The following TRPM3 variants were observed in gnomAD, a reference collection of about 807,000 sequenced individuals.
TRPM3 encodes the protein long transient receptor potential channel 3.
TRPM3 carries 77 observed loss-of-function variants against 181.2 expected under a neutral mutation model. The observed-to-expected ratio is 0.42, with a 90% CI of 0.35 to 0.51. The LOEUF (loss-of-function observed/expected upper bound fraction) is 0.51, where lower values mean the gene tolerates loss of function less well. TRPM3 is among the 20% of genes least tolerant of loss of function. TRPM3 has a pLI of 0.01. For synonymous variants in TRPM3, 745 were observed against 796.4 expected (o/e 0.94, Z 1.09); for missense variants, 1,759 against 2,196.7 (o/e 0.80, Z 3.98).
chr9:70,857,610 G>T (rs11142626), intron 3 of TRPM3, among the ~76,000 whole-genome samples: 30,302 of 152,120 alleles, frequency 0.2, 3,715 homozygotes, highest in Non-Finnish European at 0.26. Context: ...AATATAGCCT[G>T]TGCTAGGTGT....
intron 1 of TRPM3, among the ~76,000 whole-genome samples, chr9:70,927,558 C>A (rs1382805231): frequency 6.6e-6 from 1 of 152,178 alleles, no homozygotes; most frequent in African/African-American, 2.4e-5. Context: ...AATGTTCTAT[C>A]AACTCTCTTG....
At chr9:71,206,486 C>T (rs1273321649) in intron 1 of TRPM3, among the ~76,000 whole-genome samples, 1 of 151,980 alleles carries the variant, frequency 6.6e-6, no homozygotes, top group Non-Finnish European at 1.5e-5. Context: ...TGGATATTAG[C>T]CCTTTGTCAG....
chr9:71,214,575 T>C (rs1448414891), intron 1 of TRPM3, among the ~76,000 whole-genome samples: 1 of 152,182 alleles, frequency 6.6e-6, no homozygotes, highest in Non-Finnish European at 1.5e-5. Context: ...GCTCCATTCA[T>C]CATTTTCAAA....
Position 70,535,518 on chromosome 9 carries a change from T to C in TRPM3, c.*435A>G. On this transcript the variant is annotated 3_prime_UTR_variant, in exon 26 of 26. Coordinates refer to ENST00000677713, the MANE Select transcript of TRPM3 (RefSeq NM_001366145.2). Reference sequence around the variant, plus strand: ...CAGAATGGAAGTTTAGAATATCTCATTGTGTACGCTGGCTATTTTATTTTA... The same window carrying C: ...CAGAATGGAAGTTTAGAATATCTCACTGTGTACGCTGGCTATTTTATTTTA... The C allele has an allele frequency of 6.5e-7, 1 of 1,548,938 alleles. No individual in the cohort carries two copies. Among genetic ancestry groups the C allele is most frequent in the Non-Finnish European group, 8.7e-7 (1 of 1,146,698 alleles).
intron 1 of TRPM3, among the ~76,000 whole-genome samples, chr9:70,923,828 C>CTATATATATA (rs1256813268): frequency 7.3e-6 from 1 of 136,060 alleles, no homozygotes; most frequent in African/African-American, 2.8e-5. Context: ...CTCTCTCTCT[C>CTATATATATA]TATATATATA....
chr9:71,416,417 T>C (rs752529092), intron 1 of TRPM3, among the ~76,000 whole-genome samples: 77 of 152,064 alleles, frequency 5.1e-4, no homozygotes, highest in Non-Finnish European at 1.0e-3. Context: ...CCCAAACTAA[T>C]AGCACAAACT....
At chr9:70,617,729 C>T (rs2063005730) in intron 17 of TRPM3, among the ~76,000 whole-genome samples, 1 of 152,120 alleles carries the variant, frequency 6.6e-6, no homozygotes, top group Non-Finnish European at 1.5e-5. Context: ...CTTTGGGAGG[C>T]CAAAGCGGGT....
At chr9:71,269,496 T>A (rs1184666211) in intron 1 of TRPM3, among the ~76,000 whole-genome samples, 1 of 152,218 alleles carries the variant, frequency 6.6e-6, no homozygotes, top group East Asian at 1.9e-4. Flanking sequence ...TAAATGAAAG[T>A]CTGCATTTTC....
intron 1 of TRPM3, among the ~76,000 whole-genome samples, chr9:70,973,892 C>T (rs1418413571): frequency 1.3e-5 from 2 of 152,216 alleles, no homozygotes; most frequent in African/African-American, 2.4e-5. Context: ...TTCTTACCAA[C>T]AGACAGAGGG....
chr9:71,181,151 G>A (rs1225268159), intron 1 of TRPM3, among the ~76,000 whole-genome samples: 1 of 152,010 alleles, frequency 6.6e-6, no homozygotes, highest in African/African-American at 2.4e-5. Flanking sequence ...GAAGATCTGT[G>A]CTCTTCCTGA....
intron 8 of TRPM3, among the ~76,000 whole-genome samples, chr9:70,754,590 G>A (rs2076734415): frequency 6.6e-6 from 1 of 152,078 alleles, no homozygotes; most frequent in Admixed American, 6.5e-5. Context: ...TTTTTCATGA[G>A]GCCACAGCAC....
chr9:71,393,070 T>C (rs2093101378), intron 1 of TRPM3, among the ~76,000 whole-genome samples: 1 of 152,094 alleles, frequency 6.6e-6, no homozygotes, highest in South Asian at 2.1e-4. Context: ...GTGTTTCTAA[T>C]TGGACAGTGA....
chr9:70,915,100 T>G (rs1332137955), intron 1 of TRPM3, among the ~76,000 whole-genome samples: 2 of 152,050 alleles, frequency 1.3e-5, no homozygotes, highest in African/African-American at 4.8e-5. Context: ...CCTCATGAAA[T>G]GAACCAAATA....
At chr9:70,572,793 C>G (rs1282860922) in intron 22 of TRPM3, among the ~76,000 whole-genome samples, 2 of 152,162 alleles carry the variant, frequency 1.3e-5, no homozygotes, top group Non-Finnish European at 2.9e-5. Context: ...TTACAAAATA[C>G]ATTTTTTAAA....
At chr9:71,045,433 G>T (rs1428400812) in intron 1 of TRPM3, among the ~76,000 whole-genome samples, 1 of 152,150 alleles carries the variant, frequency 6.6e-6, no homozygotes, top group Non-Finnish European at 1.5e-5. Context: ...GTAAACTCCT[G>T]AAGACAGATA....
intron 17 of TRPM3, among the ~76,000 whole-genome samples, chr9:70,617,370 T>C (rs1393041101): frequency 6.6e-6 from 1 of 151,456 alleles, no homozygotes; most frequent in East Asian, 2.0e-4. Context: ...GGAGAAGGGG[T>C]ATTGGTCCCA....
Position 70,974,863 on chromosome 9 carries a change from A to ATTTTTTT in TRPM3, c.178-110359_178-110353dup, listed in dbSNP as rs1177545043. Among the ~76,000 whole-genome samples, 109 of 117,952 alleles carry ATTTTTTT rather than the reference A, an allele frequency of 9.2e-4. 2 individuals carry two copies. The highest frequency in any genetic ancestry group is 3.1e-3 in the African/African-American group (97 of 31,664). 77.4% of individuals were successfully genotyped at this position (117,952 alleles called of 152,430 possible). A position where few individuals can be genotyped will look rare whatever the true frequency, so the allele number is the denominator to read the frequency against. ...GTTCCACAGGAGTGATGGAACATCAATTTTTTTTTTTTTTTTTTTTGAGGT... is the reference window on the plus strand; with the variant it reads ...GTTCCACAGGAGTGATGGAACATCAATTTTTTTTTTTTTTTTTTTTTTTTTTTGAGGT... On this transcript the variant is annotated intron_variant, in intron 1 of 25. Transcript: ENST00000677713.
intron 1 of TRPM3, among the ~76,000 whole-genome samples, chr9:71,279,335 G>A (rs551606722): frequency 2.8e-4 from 42 of 152,230 alleles, no homozygotes; most frequent in Non-Finnish European, 4.9e-4. Context: ...GTTACACAAC[G>A]GAGCTCAAAG....
intron 1 of TRPM3, among the ~76,000 whole-genome samples, chr9:71,284,098 T>C (rs1221346247): frequency 7.1e-6 from 1 of 141,208 alleles, no homozygotes; most frequent in Non-Finnish European, 1.5e-5. Context: ...TTCTCACCTG[T>C]AGTACCAGCT....
Sources: gnomAD v4.1 joint callset for allele counts (sites outside exome capture counted in the v4.1 genomes callset) on GRCh38, gnomAD v4.1.1 for gene constraint, MANE v1.5 for transcripts, NCBI Gene and HGNC (gene_info 2026-07-23, HGNC 2026-07-21) for gene names.